Variants in STAU2 observed in about 807,000 individuals in gnomAD.
The protein encoded by STAU2 is double-stranded RNA-binding protein Staufen homolog 2.
A neutral mutation model predicts 65.9 loss-of-function variants in STAU2; 20 were observed. That is an observed-to-expected ratio of 0.30 (90% CI 0.21 to 0.44). STAU2 has a LOEUF of 0.44. STAU2 is among the 20% of genes least tolerant of loss of function. The probability of loss-of-function intolerance (pLI) is 1.00; values close to 1 mark genes in which losing one functional copy is unlikely to be tolerated. For missense variants in STAU2, 558 were observed against 683.9 expected, an observed-to-expected ratio of 0.82 and a Z score of 2.05; for synonymous variants, 232 against 233.9, an observed-to-expected ratio of 0.99 and a Z score of 0.07.
intron 6 of STAU2, among the ~76,000 whole-genome samples, chr8:73,665,166 T>G (rs183498298): frequency 2.0e-3 from 297 of 151,436 alleles, no homozygotes; most frequent in African/African-American, 6.5e-3. Flanking sequence ...TTCTCCCAAA[T>G]AAAAAAAAAT....
intron 13 of STAU2, among the ~76,000 whole-genome samples, chr8:73,533,885 C>A (rs960353977): frequency 6.6e-6 from 1 of 152,142 alleles, no homozygotes; most frequent in Non-Finnish European, 1.5e-5. Context: ...CAAACTACTT[C>A]CTGCAGAGCT....
chr8:73,572,201 A>C (rs567990865), intron 12 of STAU2, among the ~76,000 whole-genome samples: 2 of 152,348 alleles, frequency 1.3e-5, no homozygotes, highest in African/African-American at 4.8e-5. Context: ...CTAAACCAGG[A>C]AGAACTTGAA....
intron 4 of STAU2, among the ~76,000 whole-genome samples, chr8:73,693,022 A>G (rs1447862029): frequency 6.6e-6 from 1 of 152,016 alleles, no homozygotes; most frequent in Non-Finnish European, 1.5e-5. Flanking sequence ...TTATCCAGGC[A>G]TGGTGGTGCG....
chr8:73,466,360 T>G (rs4738365), intron 13 of STAU2, among the ~76,000 whole-genome samples: 109,436 of 152,062 alleles, frequency 0.72, 39,744 homozygotes, highest in East Asian at 0.96. Flanking sequence ...GTAATAAAAT[T>G]CCTCTAGAGG....
At chr8:73,634,046 A>G (rs940385666) in intron 6 of STAU2, among the ~76,000 whole-genome samples, 1 of 152,164 alleles carries the variant, frequency 6.6e-6, no homozygotes, top group African/African-American at 2.4e-5. Flanking sequence ...AGACCACAGA[A>G]AAGGAAATAT....
intron 12 of STAU2, chr8:73,561,609 A>C: frequency 2.2e-6 from 1 of 447,380 alleles, no homozygotes; most frequent in Non-Finnish European, 4.5e-6. Context: ...CTGATCTCTC[A>C]GCAGGAAGAA....
chr8:73,456,939 A>G (rs1585795344), intron 13 of STAU2, among the ~76,000 whole-genome samples: 1 of 152,202 alleles, frequency 6.6e-6, no homozygotes, highest in East Asian at 1.9e-4. Context: ...AAGGTCTCTT[A>G]ATGTTCCCAA....
At chr8:73,438,334 G>A (rs1352247836) in intron 13 of STAU2, among the ~76,000 whole-genome samples, 1 of 152,296 alleles carries the variant, frequency 6.6e-6, no homozygotes, top group East Asian at 1.9e-4. Flanking sequence ...GCAGGACAGC[G>A]ACGGCAGTGG....
At chr8:73,465,513 C>G (rs1819605549) in intron 13 of STAU2, among the ~76,000 whole-genome samples, 1 of 152,192 alleles carries the variant, frequency 6.6e-6, no homozygotes. Flanking sequence ...CTCTTTCTAA[C>G]TAGGCTTGGG....
chr8:73,448,041 A>T (rs1818572085), intron 13 of STAU2, among the ~76,000 whole-genome samples: 1 of 152,030 alleles, frequency 6.6e-6, no homozygotes, highest in South Asian at 2.1e-4. Context: ...TCCCAAAACA[A>T]TTCTAGTTTG....
chr8:73,713,265 A>G (rs1292782068), intron 3 of STAU2, among the ~76,000 whole-genome samples: 1 of 152,088 alleles, frequency 6.6e-6, no homozygotes, highest in Non-Finnish European at 1.5e-5. Flanking sequence ...AATGTCCTGG[A>G]CTCTGGAATT....
intron 6 of STAU2, among the ~76,000 whole-genome samples, chr8:73,641,226 A>G (rs1814941466): frequency 6.6e-6 from 1 of 152,074 alleles, no homozygotes; most frequent in Admixed American, 6.6e-5. Flanking sequence ...CCCTTGGACC[A>G]CCTGGTCTAT....
chr8:73,609,435 T>C (rs985681498), intron 9 of STAU2, among the ~76,000 whole-genome samples: 1 of 151,460 alleles, frequency 6.6e-6, no homozygotes, highest in East Asian at 2.0e-4. Context: ...AGGTGGAACA[T>C]GAGGTCAGGA....
At chr8:73,712,623 A>G (rs1441711817) in intron 3 of STAU2, among the ~76,000 whole-genome samples, 1 of 152,236 alleles carries the variant, frequency 6.6e-6, no homozygotes, top group Non-Finnish European at 1.5e-5. Context: ...ATTCTTAGCC[A>G]AAATATTCTG....
chr8:73,614,662 A>C, intron 8 of STAU2, among the ~76,000 whole-genome samples: 1 of 152,174 alleles, frequency 6.6e-6, no homozygotes, highest in East Asian at 1.9e-4. Context: ...CATCATTATA[A>C]ACATCAGATA....
At chr8:73,621,089 T>C (rs995457313) in intron 6 of STAU2, among the ~76,000 whole-genome samples, 8 of 152,232 alleles carry the variant, frequency 5.3e-5, no homozygotes, top group Non-Finnish European at 1.2e-4. Flanking sequence ...AAGCTCACTT[T>C]TAGTAAGGTA....
intron 6 of STAU2, among the ~76,000 whole-genome samples, chr8:73,617,788 G>C (rs923050031): frequency 6.6e-6 from 1 of 152,192 alleles, no homozygotes; most frequent in Non-Finnish European, 1.5e-5. Context: ...TACAACAGAG[G>C]CTGGGTCAGG....
chr8:73,676,143 C>T (rs1265242495), intron 5 of STAU2, among the ~76,000 whole-genome samples: 1 of 152,116 alleles, frequency 6.6e-6, no homozygotes, highest in East Asian at 1.9e-4. Flanking sequence ...ATCAACCATG[C>T]TGCAAATGAA....
At position 73,422,696 on chromosome 8, in the gene STAU2, AGG is replaced by A; in HGVS notation, c.1535_1536del (p.Ala512ValfsTer9). Reference protein sequence around the residue: ...YLARIQGFQAALSALKQFSEQ... With the variant: ...YLARIQGFQAXLSALKQFSEQ... The stretch of plus-strand genomic sequence containing the variant: ...TCAGAAAATTGTTTCAAGGCACTTA[AGG>A]CTGCCTAAAAATGAAAACAAACAGA... On this transcript the variant is annotated frameshift_variant, in exon 14 of 15. Coordinates refer to ENST00000524300, the MANE Select transcript of STAU2 (RefSeq NM_001164380.2). LOFTEE classifies it high-confidence loss of function. 1 of 1,484,274 alleles carries A rather than the reference AGG, an allele frequency of 6.7e-7. No homozygotes were observed. Among genetic ancestry groups the A allele is most frequent in the Non-Finnish European group, 8.9e-7 (1 of 1,124,670 alleles). 91.9% of individuals were successfully genotyped at this position (1,484,274 alleles called of 1,614,324 possible).
Sources: gnomAD v4.1 joint callset for allele counts (sites outside exome capture counted in the v4.1 genomes callset) on GRCh38, gnomAD v4.1.1 for gene constraint, MANE v1.5 for transcripts, NCBI Gene and HGNC (gene_info 2026-07-23, HGNC 2026-07-21) for gene names.